The following ARID1B variants were observed in gnomAD, a reference collection of about 807,000 sequenced individuals.
The protein encoded by ARID1B is AT-rich interaction domain 1B.
Under a neutral mutation model 212.3 loss-of-function variants are expected in ARID1B, and 30 were observed. The observed-to-expected ratio is 0.14, with a 90% CI of 0.11 to 0.19. ARID1B has a LOEUF of 0.19. ARID1B is among the 10% of genes least tolerant of loss of function. ARID1B has a pLI of 1.00. For synonymous variants in ARID1B, 1,402 were observed against 1,301.7 expected, an observed-to-expected ratio of 1.08 and a Z score of -1.66; for missense variants, 2,891 against 3,204.0, an observed-to-expected ratio of 0.90 and a Z score of 2.36.
At chr6:156,916,433 C>T (rs1416765140) in intron 3 of ARID1B, among the ~76,000 whole-genome samples, 1 of 152,120 alleles carries the variant, frequency 6.6e-6, no homozygotes, top group African/African-American at 2.4e-5. Context: ...TCATTTCCTT[C>T]TTTTAAAAAG....
intron 2 of ARID1B, among the ~76,000 whole-genome samples, chr6:156,840,445 C>G (rs376205450): frequency 2.0e-5 from 3 of 152,312 alleles, no homozygotes; most frequent in African/African-American, 7.2e-5. Flanking sequence ...GTGGACCCAT[C>G]GTCTAGAGCC....
Position 157,084,789 on chromosome 6 carries a change from C to A in ARID1B, c.2375C>A (p.Pro792Gln). The A allele has an allele frequency of 4.3e-6, 7 of 1,614,152 alleles. No homozygotes were observed. The highest frequency in any genetic ancestry group is 5.9e-6 in the Non-Finnish European group (7 of 1,179,978). ...QSNPAQSPFS[P>Q]HASPHLSSIP... ...AACCCGGCGCAGTCGCCTTTCTCCCCACATGCGTCCCCTCATCTCTCCAGC... is the reference window on the plus strand; with the variant it reads ...AACCCGGCGCAGTCGCCTTTCTCCCAACATGCGTCCCCTCATCTCTCCAGC... Residue 792 changes from proline to glutamine, a missense_variant, in exon 5 of 20, where the codon CCA becomes CAA. Physicochemically the swap from Pro to Gln is moderately conservative, Grantham distance 76. This residue lies in a region of ARID1B where 1,643 missense variants were observed against 1,544.0 expected (regional missense o/e 1.06). Transcript: ENST00000636930.
chr6:157,037,259 G>A (rs930349461), intron 4 of ARID1B, among the ~76,000 whole-genome samples: 5 of 152,120 alleles, frequency 3.3e-5, no homozygotes, highest in Admixed American at 1.3e-4. Context: ...TTTATTAAAC[G>A]TCCCCGCTTC....
chr6:157,034,734 G>A (rs1781217796), intron 4 of ARID1B, among the ~76,000 whole-genome samples: 1 of 152,108 alleles, frequency 6.6e-6, no homozygotes, highest in Admixed American at 6.5e-5. Context: ...TATTCCCTTT[G>A]TATTAAATTG....
At chr6:156,836,687 T>C (rs1388456753) in intron 2 of ARID1B, among the ~76,000 whole-genome samples, 2 of 152,052 alleles carry the variant, frequency 1.3e-5, no homozygotes, top group African/African-American at 4.8e-5. Context: ...TTGTTTGACA[T>C]GGGGTCCTGC....
rs545896537 is a variant in ARID1B, at chr6:157,094,418, G to A, written c.2491+9513G>A. Reference sequence around the variant, plus strand: ...CTTCCAGGCTAGAGTACAGTGGCACGATCTCCACTCACTACAACCTCTACC... The same window carrying A: ...CTTCCAGGCTAGAGTACAGTGGCACAATCTCCACTCACTACAACCTCTACC... On this transcript the variant is annotated intron_variant, in intron 5 of 19. Transcript: ENST00000636930. The surrounding 1 kb of genome is among the most constrained non-coding windows in gnomAD (Gnocchi z 4.3). 2.6e-5 allele frequency among the ~76,000 whole-genome samples: 4 copies of A among 152,186 alleles called. No homozygotes were observed. Among genetic ancestry groups the A allele is most frequent in the African/African-American group, 7.2e-5 (3 of 41,502 alleles).
chr6:157,143,370 A>G (rs1308251805), intron 7 of ARID1B, among the ~76,000 whole-genome samples: 2 of 151,778 alleles, frequency 1.3e-5, no homozygotes, highest in African/African-American at 2.4e-5. Context: ...TTTTCCTCTC[A>G]TATTTTGCTT....
chr6:157,060,267 C>T (rs1336669765), intron 4 of ARID1B, among the ~76,000 whole-genome samples: 1 of 152,094 alleles, frequency 6.6e-6, no homozygotes, highest in Non-Finnish European at 1.5e-5. Flanking sequence ...GAAACCAATA[C>T]GATGGTAAAG....
At chr6:157,126,020 C>T (rs537788663) in intron 6 of ARID1B, among the ~76,000 whole-genome samples, 7 of 152,166 alleles carry the variant, frequency 4.6e-5, no homozygotes, top group African/African-American at 1.7e-4. Flanking sequence ...TTATTCCTAC[C>T]ACAGTTCCGA....
At chr6:156,894,174 C>T (rs574126785) in intron 2 of ARID1B, among the ~76,000 whole-genome samples, 12 of 150,482 alleles carry the variant, frequency 8.0e-5, no homozygotes, top group Non-Finnish European at 1.8e-4. Context: ...CAAAATAAGC[C>T]AGACACAAAG....
At position 156,834,465 on chromosome 6, in the gene ARID1B, T is replaced by C. The variant is rs547234026; in HGVS notation, c.1986+5044T>C. The stretch of plus-strand genomic sequence containing the variant: ...CTGTGTGCACATGTACGCTCCCACA[T>C]GTGTGTAAAAAACAGAACATTCATG... On this transcript the variant is annotated intron_variant, in intron 2 of 19. Coordinates refer to ENST00000636930, the MANE Select transcript of ARID1B (RefSeq NM_001374828.1). Among the ~76,000 whole-genome samples, 17 of 152,316 alleles carry C rather than the reference T, an allele frequency of 1.1e-4. No individual in the cohort carries two copies. The South Asian group carries it at 2.9e-3, about 26-fold the overall frequency.
chr6:156,882,024 T>A (rs1307093841), intron 2 of ARID1B, among the ~76,000 whole-genome samples: 1 of 152,236 alleles, frequency 6.6e-6, no homozygotes, highest in Non-Finnish European at 1.5e-5. Context: ...TTTTTAAGCA[T>A]CTGCTGTATG....
intron 2 of ARID1B, among the ~76,000 whole-genome samples, chr6:156,892,188 C>A (rs1787999311): frequency 6.6e-6 from 1 of 151,916 alleles, no homozygotes; most frequent in Non-Finnish European, 1.5e-5. Context: ...CCACACCCGG[C>A]CTCATACTTT....
intron 4 of ARID1B, among the ~76,000 whole-genome samples, chr6:157,011,621 A>G (rs570199348): frequency 4.6e-5 from 7 of 152,336 alleles, no homozygotes; most frequent in African/African-American, 1.7e-4. Flanking sequence ...CCGTTTCACA[A>G]TAGACATAAT....
At position 157,148,951 on chromosome 6, in the gene ARID1B, G is replaced by A. The variant is rs2128635077; in HGVS notation, c.3089G>A (p.Arg1030Lys). 3 of 1,608,296 alleles carry A rather than the reference G, an allele frequency of 1.9e-6. No homozygotes were observed. The highest frequency in any genetic ancestry group is 2.5e-6 in the Non-Finnish European group (3 of 1,176,520). The change falls in exon 8 of 20, where the codon AGG becomes AAG. Residue 1030 changes from arginine (R) to lysine (K), a missense_variant and splice_region_variant. Arg to Lys is a conservative substitution (Grantham distance 26). Around this residue, in one of 7 missense-constraint regions of ARID1B, gnomAD observed 1,643 missense variants for 1,544.0 expected, o/e 1.06. Transcript: ENST00000636930. This position sits in a 1 kb window ranked among gnomAD's most constrained non-coding sequence, Gnocchi z 5.6. ...MQAAANSAQS[R>K]QGSFPGMNQS... ...GCTGCTGCGAACTCAGCACAAAGCA[G>A]GTACGCCACCCAGGAGCACGCCCCG...
chr6:157,123,575 C>T (rs1370509366), intron 6 of ARID1B, among the ~76,000 whole-genome samples: 1 of 152,200 alleles, frequency 6.6e-6, no homozygotes, highest in Admixed American at 6.5e-5. Context: ...TGCCAGGAGG[C>T]TCACAGGTGT....
intron 6 of ARID1B, among the ~76,000 whole-genome samples, chr6:157,131,622 G>A (rs1035660019): frequency 1.3e-5 from 2 of 152,188 alleles, no homozygotes; most frequent in Admixed American, 6.5e-5. Context: ...CAGAGCTCAC[G>A]AGGTCTCACA....
chr6:157,163,255 C>T (rs182882027), intron 8 of ARID1B, among the ~76,000 whole-genome samples: 63 of 152,208 alleles, frequency 4.1e-4, no homozygotes, highest in African/African-American at 1.4e-3. Flanking sequence ...GCTGTGGTCT[C>T]GGGCATTGTA....
intron 4 of ARID1B, among the ~76,000 whole-genome samples, chr6:157,066,005 C>T (rs1337396053): frequency 6.6e-6 from 1 of 152,272 alleles, no homozygotes; most frequent in Non-Finnish European, 1.5e-5. Flanking sequence ...GAATCATTAT[C>T]CATCCATCCC....
Sources: allele counts gnomAD v4.1 joint callset (sites outside exome capture counted in the v4.1 genomes callset), GRCh38; gene constraint gnomAD v4.1.1; regional missense constraint gnomAD v4.1.1; non-coding constraint Gnocchi (gnomAD v3.1); transcripts MANE v1.5; gene names NCBI Gene and HGNC (gene_info 2026-07-23, HGNC 2026-07-21).